Variants in PCDHA2 observed in about 807,000 individuals in gnomAD.
PCDHA2 encodes the protein protocadherin alpha-2.
In PCDHA2, 58 loss-of-function variants were observed where a neutral mutation model predicts 66.0. The observed-to-expected ratio is 0.88, with a 90% confidence interval of 0.71 to 1.09. PCDHA2 has a LOEUF of 1.09. PCDHA2 is among the 50% of genes least tolerant of loss of function. The probability of loss-of-function intolerance (pLI) is 0.00; values close to 1 mark genes in which losing one functional copy is unlikely to be tolerated. For missense variants in PCDHA2, 1,267 were observed against 1,242.3 expected (o/e 1.02, Z -0.30); for synonymous variants, 634 against 554.0 (o/e 1.14, Z -2.03).
chr5:140,797,855 TG>T (rs1459848199), intron 1 of PCDHA2, among the ~76,000 whole-genome samples: 8 of 151,504 alleles, frequency 5.3e-5, no homozygotes, highest in African/African-American at 2.0e-4. Context: ...ATTTTTTTTT[TG>T]TTTGTTTGTT....
At chr5:140,958,953 T>A (rs1489065015) in intron 1 of PCDHA2, among the ~76,000 whole-genome samples, 2 of 144,196 alleles carry the variant, frequency 1.4e-5, no homozygotes, top group Non-Finnish European at 3.1e-5. Flanking sequence ...ATTATATTAT[T>A]ATAATTGTTC....
intron 1 of PCDHA2, among the ~76,000 whole-genome samples, chr5:140,964,705 C>T (rs1361202248): frequency 2.6e-5 from 4 of 151,550 alleles, no homozygotes; most frequent in Non-Finnish European, 4.4e-5. Flanking sequence ...TTAAGGCCTC[C>T]GAGATCAAAT....
In PCDHA2 at chr5:140,972,962, A is replaced by G. The variant is rs550755148; in HGVS notation, c.2389-5987A>G. Among the ~76,000 whole-genome samples the G allele has an allele frequency of 1.5e-3, 231 of 152,144 alleles. 1 individual carries two copies. The highest frequency in any genetic ancestry group is 2.9e-3 in the Non-Finnish European group (194 of 67,976). ...CAGATGTGAGCCACCATGCCCGGCA[A>G]AGGAAACCAAATCTTAAGGTAGATT... On this transcript the variant is annotated intron_variant, in intron 1 of 3. Transcript: ENST00000526136.
chr5:140,827,891 A>C, intron 1 of PCDHA2: 1 of 712,378 alleles, frequency 1.4e-6, no homozygotes, highest in South Asian at 1.9e-5. Flanking sequence ...TTGATTTCTT[A>C]CCTTTTGGAG....
chr5:140,821,488 A>G, intron 1 of PCDHA2: 1 of 297,184 alleles, frequency 3.4e-6, no homozygotes, highest in Non-Finnish European at 6.2e-6. Context: ...AATACTTGAG[A>G]AATATTGACG....
Position 140,843,320 on chromosome 5 carries a change from G to T in PCDHA2, c.2388+45968G>T, listed in dbSNP as rs2150357378. ...GCTGACCGCCACGGCCACGGTTCTGGTGTCGCTGGTGGAGAGCGGCCAGGC... is the reference window on the plus strand; with the variant it reads ...GCTGACCGCCACGGCCACGGTTCTGTTGTCGCTGGTGGAGAGCGGCCAGGC... On this transcript the variant is annotated intron_variant, in intron 1 of 3. Coordinates refer to ENST00000526136, the MANE Select transcript of PCDHA2 (RefSeq NM_018905.3). 2.5e-6 allele frequency: 4 copies of T among 1,596,056 alleles called. No individual in the cohort carries two copies. The South Asian group carries it at 4.4e-5, about 18-fold the overall frequency.
chr5:140,849,765 G>A, intron 1 of PCDHA2: 1 of 1,598,514 alleles, frequency 6.3e-7, no homozygotes, highest in Non-Finnish European at 8.6e-7. Context: ...CTACGAGCTG[G>A]TGGTTACCGC....
Position 140,808,064 on chromosome 5 carries a change from T to C in PCDHA2, c.2388+10712T>C, listed in dbSNP as rs1554124407. On this transcript the variant is annotated intron_variant, in intron 1 of 3. Coordinates refer to ENST00000526136, the MANE Select transcript of PCDHA2 (RefSeq NM_018905.3). ...TATTTCGCCAAATGTGAAATCCAAG[T>C]TTCACATAGATCCAATTACTGGACA... 3.1e-6 allele frequency: 5 copies of C among 1,614,056 alleles called. No individual in the cohort carries two copies. The Admixed American group carries it at 8.3e-5, about 27-fold the overall frequency.
Position 140,823,885 on chromosome 5 carries a change from T to C in PCDHA2, c.2388+26533T>C, listed in dbSNP as rs2150130069. 6 of 1,613,980 alleles carry C rather than the reference T, an allele frequency of 3.7e-6. No individual in the cohort carries two copies. In the Admixed American group the frequency reaches 8.3e-5, roughly 22 times the overall value. The stretch of plus-strand genomic sequence containing the variant: ...CAACGTGTACCTGATCATCGCCATC[T>C]GTGCGGTGTCCAGCCTGCTGGTGCT... On this transcript the variant is annotated intron_variant, in intron 1 of 3. Transcript: ENST00000526136.
At chr5:140,977,356 TA>T (rs2096758024) in intron 1 of PCDHA2, among the ~76,000 whole-genome samples, 1 of 152,250 alleles carries the variant, frequency 6.6e-6, no homozygotes, top group South Asian at 2.1e-4. Flanking sequence ...GACTGATTGA[TA>T]AAAAGTATTT....
At chr5:140,868,091 GATA>G (rs1310708872) in intron 1 of PCDHA2, 1 of 151,974 alleles carries the variant, frequency 6.6e-6, no homozygotes, top group Non-Finnish European at 1.5e-5. Context: ...TTTATAAAAT[GATA>G]ATAAAATTTA....
In PCDHA2 at chr5:140,795,622, C is replaced by A; in HGVS notation, c.658C>A (p.Pro220Thr). The change falls in exon 1 of 4, where the codon CCT becomes ACT. Residue 220 changes from proline (P) to threonine (T), a missense_variant. Pro to Thr is a conservative substitution (Grantham distance 38). Transcript: ENST00000526136. ...ACTGGTGGCTACTGATGGGGGCAAA[C>A]CTGAGCTCACGGGCACCGTTCAAAT... Reference protein sequence around the residue: ...LLLVATDGGKPELTGTVQILI... With the variant: ...LLLVATDGGKTELTGTVQILI... 2.5e-6 allele frequency: 4 copies of A among 1,614,172 alleles called. No individual in the cohort carries two copies. Among genetic ancestry groups the A allele is most frequent in the South Asian group, 1.1e-5 (1 of 91,086 alleles).
At chr5:140,895,165 T>C (rs28385500) in intron 1 of PCDHA2, among the ~76,000 whole-genome samples, 2,119 of 152,268 alleles carry the variant, frequency 0.014, 42 homozygotes, top group African/African-American at 0.049. Context: ...CACAATCCAA[T>C]CTATTTGTAG....
chr5:140,904,499 A>G (rs1554191555), intron 1 of PCDHA2, among the ~76,000 whole-genome samples: 1 of 151,770 alleles, frequency 6.6e-6, no homozygotes, highest in Non-Finnish European at 1.5e-5. Flanking sequence ...AATTTTTACA[A>G]TTGTGAATTG....
intron 1 of PCDHA2, chr5:140,853,184 T>G (rs1229624873): frequency 1.0e-6 from 1 of 977,906 alleles, no homozygotes; most frequent in East Asian, 1.1e-4. Context: ...TGGCCTAAAA[T>G]GTGTTCTTTA....
At chr5:140,959,585 C>A (rs1363843588) in intron 1 of PCDHA2, among the ~76,000 whole-genome samples, 1 of 152,004 alleles carries the variant, frequency 6.6e-6, no homozygotes, top group Non-Finnish European at 1.5e-5. Context: ...TCAATTCTAT[C>A]AGCCAAGTAT....
chr5:140,823,930 G>A (rs2150130478), intron 1 of PCDHA2: 3 of 1,613,968 alleles, frequency 1.9e-6, no homozygotes, highest in Non-Finnish European at 2.5e-6. Context: ...GCTGTACACC[G>A]CGCTGCGGTG....
intron 1 of PCDHA2, among the ~76,000 whole-genome samples, chr5:140,847,234 C>T (rs1197831504): frequency 6.7e-6 from 1 of 149,750 alleles, no homozygotes; most frequent in African/African-American, 2.4e-5. Flanking sequence ...TATTTAACTA[C>T]CTTGAGCAAA....
intron 3 of PCDHA2, among the ~76,000 whole-genome samples, chr5:140,984,683 T>A (rs1481664684): frequency 6.6e-6 from 1 of 152,200 alleles, no homozygotes; most frequent in East Asian, 1.9e-4. Flanking sequence ...GGACTCAATA[T>A]ATGTTCTGCA....
Sources: gnomAD v4.1 joint callset for allele counts (sites outside exome capture counted in the v4.1 genomes callset) on GRCh38, gnomAD v4.1.1 for gene constraint, MANE v1.5 for transcripts, NCBI Gene and HGNC (gene_info 2026-07-23, HGNC 2026-07-21) for gene names.